Variants in SPATS1 observed in about 807,000 individuals in gnomAD.
SPATS1 encodes the protein spermatogenesis associated serine rich 1, also known as spermatogenesis-associated serine-rich protein 1.
SPATS1 carries 23 observed loss-of-function variants against 33.6 expected under a neutral mutation model. The observed-to-expected ratio is 0.68, with a 90% CI of 0.49 to 0.97. The LOEUF is 0.97. Ranked by LOEUF, SPATS1 falls within the 50% of genes least tolerant of loss-of-function variation. The pLI is 0.00. For missense variants in SPATS1, 327 were observed against 361.0 expected (o/e 0.91, Z 0.76); for synonymous variants, 131 against 125.6 (o/e 1.04, Z -0.29).
At chr6:44,368,341 A>C in intron 5 of SPATS1, 38 bp from the exon 6 acceptor site, 1 of 1,605,348 alleles carries the variant, frequency 6.2e-7, no homozygotes, top group Non-Finnish European at 8.5e-7. Flanking sequence ...GATCATCTTC[A>C]GCCCTTGTAT....
intron 8 of SPATS1, 89 bp from the exon 9 acceptor site, chr6:44,376,946 T>C: frequency 4.7e-6 from 7 of 1,493,110 alleles, no homozygotes; most frequent in East Asian, 2.3e-5. Flanking sequence ...GCAGATGTCA[T>C]AGCCAAGCAT....
At chr6:44,372,328 T>C (rs1315068083) in intron 7 of SPATS1, among the ~76,000 whole-genome samples, 1 of 150,176 alleles carries the variant, frequency 6.7e-6, no homozygotes, top group Non-Finnish European at 1.5e-5. Flanking sequence ...TACTGACTGA[T>C]TTTTCTCCTG....
intron 6 of SPATS1, among the ~76,000 whole-genome samples, chr6:44,368,741 A>C (rs1789399036): frequency 6.6e-6 from 1 of 152,142 alleles, no homozygotes; most frequent in African/African-American, 2.4e-5. Flanking sequence ...CTCTATTATC[A>C]CAGATTTGAA....
chr6:44,343,347 T>C lies in SPATS1; in HGVS notation c.139+113T>C, dbSNP rs116079886. ...TTTGAAGTTTAGAAGGAAGCTAGTT[T>C]GGGGGCATGTAAAAAGAGCTGCTTG... On this transcript the variant is annotated intron_variant, in intron 2 of 8. Transcript: ENST00000674044. 1.1e-3 allele frequency: 1,416 copies of C among 1,280,214 alleles called. 16 individuals are homozygous for C. The African/African-American group carries it at 0.018, about 16-fold the overall frequency. 79.3% of individuals were successfully genotyped at this position (1,280,214 alleles called of 1,614,324 possible).
chr6:44,376,188 A>G (rs1465744366), intron 7 of SPATS1, among the ~76,000 whole-genome samples, 170 bp from the exon 8 acceptor site: 1 of 152,178 alleles, frequency 6.6e-6, no homozygotes, highest in Non-Finnish European at 1.5e-5. Flanking sequence ...GGGCTGAACA[A>G]GAGGGTTTGA....
At chr6:44,366,226 G>T (rs576777350) in intron 5 of SPATS1, among the ~76,000 whole-genome samples, 1 of 151,962 alleles carries the variant, frequency 6.6e-6, no homozygotes, top group African/African-American at 2.4e-5. Context: ...CCAGGTTCAA[G>T]CGATTCTCCT....
intron 7 of SPATS1, among the ~76,000 whole-genome samples, chr6:44,372,906 T>C (rs1186922606): frequency 6.6e-6 from 1 of 152,208 alleles, no homozygotes; most frequent in African/African-American, 2.4e-5. Flanking sequence ...CTAAGTAAGA[T>C]GTGGCCCTTT....
chr6:44,376,499 AGTGT>A (rs1561962366), intron 8 of SPATS1, 26 bp downstream of exon 8: 1 of 1,544,556 alleles, frequency 6.5e-7, no homozygotes, highest in Non-Finnish European at 8.8e-7. Flanking sequence ...TTCAAAGAAT[AGTGT>A]AAAAACTGGA....
rs1789507690 is a variant in SPATS1, at chr6:44,370,042, G to A, written c.696-9G>A. On this transcript the variant is annotated splice_polypyrimidine_tract_variant and intron_variant, in intron 6 of 8. Coordinates refer to ENST00000674044, the MANE Select transcript of SPATS1 (RefSeq NM_001372081.1). ...TACCAGTTTTATGATTGCCTTTTCTGTTTTTCAGAGTGCCTTATGAAAAGA... is the reference window on the plus strand; with the variant it reads ...TACCAGTTTTATGATTGCCTTTTCTATTTTTCAGAGTGCCTTATGAAAAGA... The A allele has an allele frequency of 6.2e-7, 1 of 1,608,886 alleles. No homozygotes were observed. The highest frequency in any genetic ancestry group is 8.5e-7 in the Non-Finnish European group (1 of 1,176,112).
intron 7 of SPATS1, among the ~76,000 whole-genome samples, chr6:44,372,540 G>A (rs1789691048): frequency 2.0e-5 from 3 of 151,940 alleles, no homozygotes; most frequent in Admixed American, 2.0e-4. Flanking sequence ...TGGGCTCACT[G>A]CAACCTCCGC....
rs185699285 is a variant in SPATS1, at chr6:44,378,981, A to G, written c.*1918A>G. The G allele has an allele frequency of 6.6e-6, 1 of 152,206 alleles. No homozygotes were observed. The highest frequency in any genetic ancestry group is 2.4e-5 in the African/African-American group (1 of 41,514). 9.4% of individuals were successfully genotyped at this position (152,206 alleles called of 1,614,324 possible). A position where few individuals can be genotyped will look rare whatever the true frequency, so the allele number is the denominator to read the frequency against. ...AACATAATAATTTAAAAAAACACCA[A>G]ATAATTTTTAAAAAGACAGAGGCTG... On this transcript the variant is annotated 3_prime_UTR_variant, in exon 9 of 9. Transcript: ENST00000674044.
At chr6:44,348,140 C>T (rs7766482) in intron 2 of SPATS1, among the ~76,000 whole-genome samples, 71 of 151,984 alleles carry the variant, frequency 4.7e-4, no homozygotes, top group Admixed American at 8.5e-4. Context: ...TCCTGAGTAA[C>T]GGGGATTACA....
intron 7 of SPATS1, among the ~76,000 whole-genome samples, chr6:44,372,252 CAA>C (rs1202728244): frequency 4.1e-4 from 33 of 80,632 alleles, no homozygotes; most frequent in Admixed American, 8.7e-4. Context: ...GACTCCATCT[CAA>C]AAAAAAAAAA....
At chr6:44,342,901 C>T in intron 1 of SPATS1, 133 bp downstream of exon 1, 1 of 1,252,368 alleles carries the variant, frequency 8.0e-7, no homozygotes, top group Non-Finnish European at 1.1e-6. Flanking sequence ...TGGGGGCGGA[C>T]TCGCTGGGGC....
At chr6:44,375,638 C>T (rs757548773) in intron 7 of SPATS1, among the ~76,000 whole-genome samples, 7 of 151,734 alleles carry the variant, frequency 4.6e-5, no homozygotes, top group Non-Finnish European at 7.4e-5. Context: ...GGTAAAGCCC[C>T]ATCTCTACTA....
chr6:44,362,166 C>T (rs1400401020), intron 5 of SPATS1, among the ~76,000 whole-genome samples, 174 bp downstream of exon 5: 4 of 152,178 alleles, frequency 2.6e-5, no homozygotes, highest in African/African-American at 9.7e-5. Context: ...CACGTTTTGG[C>T]AAAGAGCTCA....
intron 7 of SPATS1, among the ~76,000 whole-genome samples, chr6:44,373,721 G>A (rs1006381018): frequency 6.6e-6 from 1 of 152,190 alleles, no homozygotes; most frequent in African/African-American, 2.4e-5. Flanking sequence ...GTGACAGAGA[G>A]AGCCAGAATT....
rs145352865 is a variant in SPATS1, at chr6:44,364,886, C to T, written c.574+2894C>T. ...GACCTTGGCTCACTGCAACCTCCGC[C>T]CACTGAGTTCAAGCAATTCTCATGT... On this transcript the variant is annotated intron_variant, in intron 5 of 8. Coordinates refer to ENST00000674044, the MANE Select transcript of SPATS1 (RefSeq NM_001372081.1). Among the ~76,000 whole-genome samples the T allele has an allele frequency of 5.5e-3, 842 of 152,054 alleles. 3 individuals are homozygous for T. The highest frequency in any genetic ancestry group is 0.019 in the African/African-American group (777 of 41,428).
chr6:44,367,260 G>C lies in SPATS1; in HGVS notation c.575-1119G>C, dbSNP rs1789306414. On this transcript the variant is annotated intron_variant, in intron 5 of 8. Coordinates refer to ENST00000674044, the MANE Select transcript of SPATS1 (RefSeq NM_001372081.1). ...GTGCCACCACACCCAGCTAATTTTT[G>C]TATTTTTAGTAGAGACAGGGTTTCA... Among the ~76,000 whole-genome samples, 4 of 152,104 alleles carry C rather than the reference G, an allele frequency of 2.6e-5. No homozygotes were observed. The South Asian group carries it at 8.3e-4, about 32-fold the overall frequency.
Sources: gnomAD v4.1 joint callset for allele counts (sites outside exome capture counted in the v4.1 genomes callset) on GRCh38, gnomAD v4.1.1 for gene constraint, MANE v1.5 for transcripts, NCBI Gene and HGNC (gene_info 2026-07-23, HGNC 2026-07-21) for gene names.